Variants in MAPK8 observed in about 807,000 individuals in gnomAD.
MAPK8 encodes mitogen-activated protein kinase 8, also known as JUN N-terminal kinase.
MAPK8 carries 13 observed loss-of-function variants against 52.9 expected under a neutral mutation model. The ratio of observed to expected loss-of-function variants is 0.25; its 90% CI spans 0.16 to 0.39. MAPK8 has a LOEUF of 0.39. Ranked by LOEUF, MAPK8 falls within the 10% of genes least tolerant of loss-of-function variation. MAPK8 has a pLI of 1.00. For synonymous variants in MAPK8, 191 were observed against 169.8 expected (o/e 1.12, Z -0.97); for missense variants, 300 against 519.2 (o/e 0.58, Z 4.10).
intron 1 of MAPK8, among the ~76,000 whole-genome samples, chr10:48,344,001 C>T (rs1165374073): frequency 2.0e-5 from 3 of 152,146 alleles, no homozygotes. Flanking sequence ...TGTTGGTTTG[C>T]AGTAGTTTGA....
intron 1 of MAPK8, among the ~76,000 whole-genome samples, chr10:48,371,489 T>C (rs1848522211): frequency 1.3e-5 from 2 of 152,112 alleles, no homozygotes; most frequent in South Asian, 4.1e-4. Flanking sequence ...CACTTTACTG[T>C]GTTATAGTTT....
intron 1 of MAPK8, among the ~76,000 whole-genome samples, chr10:48,345,747 C>T (rs1047977709): frequency 1.3e-5 from 2 of 152,122 alleles, no homozygotes; most frequent in African/African-American, 4.8e-5. Flanking sequence ...AGTAAAAGTC[C>T]TGAGTTTTCT....
chr10:48,373,813 C>G (rs931762600), intron 1 of MAPK8, among the ~76,000 whole-genome samples: 3 of 151,918 alleles, frequency 2.0e-5, no homozygotes, highest in African/African-American at 2.4e-5. Flanking sequence ...ACTTTAACAC[C>G]CCACTGTCAA....
At chr10:48,425,836 T>TGGTAAATG in intron 7 of MAPK8, 52 bp from the exon 8 acceptor site, 1 of 1,005,302 alleles carries the variant, frequency 9.9e-7, no homozygotes, top group Non-Finnish European at 1.5e-6. Flanking sequence ...TGAATATGAC[T>TGGTAAATG]AATGTATTGA....
At position 48,404,408 on chromosome 10, in the gene MAPK8, G is replaced by T. The variant is rs575466199; in HGVS notation, c.123-444G>T. On this transcript the variant is annotated intron_variant, in intron 2 of 11. Coordinates refer to ENST00000374189, the MANE Select transcript of MAPK8 (RefSeq NM_001323329.2). ...CCTGACCTCATGATCCACCCACCTT[G>T]ACCTCCCAAAGTGCTGGGATTACAG... Among the ~76,000 whole-genome samples the T allele has an allele frequency of 2.1e-3, 320 of 151,942 alleles. 1 individual carries two copies. Among genetic ancestry groups the T allele is most frequent in the Non-Finnish European group, 2.1e-4 (14 of 67,950 alleles).
intron 1 of MAPK8, among the ~76,000 whole-genome samples, chr10:48,380,947 A>C (rs1313329084): frequency 1.3e-5 from 2 of 152,074 alleles, no homozygotes. Context: ...AAAGAGTAAG[A>C]CTCCATCAAA....
At chr10:48,346,796 A>G (rs1436634089) in intron 1 of MAPK8, among the ~76,000 whole-genome samples, 4 of 152,196 alleles carry the variant, frequency 2.6e-5, no homozygotes, top group African/African-American at 9.7e-5. Flanking sequence ...ATATGCAGAA[A>G]TAATGGCGTA....
intron 1 of MAPK8, among the ~76,000 whole-genome samples, chr10:48,397,510 C>T (rs143944482): frequency 3.3e-5 from 5 of 152,062 alleles, no homozygotes; most frequent in East Asian, 3.9e-4. Flanking sequence ...TAGTAGTTGC[C>T]GCAGGTAGAC....
intron 11 of MAPK8, among the ~76,000 whole-genome samples, chr10:48,432,482 A>G (rs1482769873): frequency 6.6e-6 from 1 of 152,094 alleles, no homozygotes; most frequent in Non-Finnish European, 1.5e-5. Context: ...TATTTTGGAA[A>G]TGGCCTTTTC....
chr10:48,343,950 G>A (rs533803223), intron 1 of MAPK8, among the ~76,000 whole-genome samples: 1 of 152,236 alleles, frequency 6.6e-6, no homozygotes, highest in East Asian at 1.9e-4. Flanking sequence ...GGTTCATCTG[G>A]GGTTGGTATT....
chr10:48,308,133 A>T (rs1841589349), intron 1 of MAPK8: 1 of 152,192 alleles, frequency 6.6e-6, no homozygotes, highest in South Asian at 2.1e-4. Flanking sequence ...GTTACCTCAG[A>T]TTCCCCTGCT....
chr10:48,414,801 T>C (rs2042973551), intron 5 of MAPK8, among the ~76,000 whole-genome samples: 1 of 151,984 alleles, frequency 6.6e-6, no homozygotes, highest in Admixed American at 6.6e-5. Context: ...AGGCTGGTCT[T>C]GTATTCCTGG....
At chr10:48,407,252 T>C in intron 3 of MAPK8, among the ~76,000 whole-genome samples, 1 of 152,358 alleles carries the variant, frequency 6.6e-6, no homozygotes, top group East Asian at 1.9e-4. Context: ...AAATTACGTG[T>C]CTAACTATCA....
rs2042667596 is a variant in MAPK8, at chr10:48,410,034, A to G, written c.316A>G (p.Ile106Val). ...TCTCTTTTTTCACTCATAAAGTTAC[A>G]TAGTCATGGAGCTCATGGATGCAAA... ...KSLEEFQDVYIVMELMDANLC... is the reference protein window; with the variant it reads ...KSLEEFQDVYVVMELMDANLC... The change falls in exon 5 of 12, where the codon ATA (isoleucine) becomes GTA (valine). Residue 106 changes from isoleucine to valine, a missense_variant. By Grantham distance (29) the Ile-to-Val change is conservative. This residue lies in a region of MAPK8 where 147 missense variants were observed against 328.1 expected (regional missense o/e 0.45). Coordinates refer to ENST00000374189, the MANE Select transcript of MAPK8 (RefSeq NM_001323329.2). The G allele has an allele frequency of 6.2e-7, 1 of 1,604,008 alleles. No individual in the cohort carries two copies. Among genetic ancestry groups the G allele is most frequent in the Admixed American group, 1.7e-5 (1 of 58,152 alleles).
chr10:48,433,412 A>G (rs907961403), intron 11 of MAPK8, among the ~76,000 whole-genome samples: 1 of 152,260 alleles, frequency 6.6e-6, no homozygotes, highest in Non-Finnish European at 1.5e-5. Context: ...GTACACAGAT[A>G]TACCATACTG....
At chr10:48,357,635 C>A (rs1374866041) in intron 1 of MAPK8, among the ~76,000 whole-genome samples, 4 of 152,104 alleles carry the variant, frequency 2.6e-5, no homozygotes, top group Non-Finnish European at 5.9e-5. Context: ...TGGGCTCAAG[C>A]AATGCATCCA....
intron 1 of MAPK8, among the ~76,000 whole-genome samples, chr10:48,342,118 T>G (rs942707686): frequency 6.6e-6 from 1 of 152,230 alleles, no homozygotes; most frequent in African/African-American, 2.4e-5. Flanking sequence ...TTCATTCATT[T>G]ATTTATTGAG....
At chr10:48,405,892 GA>G (rs10708093) in intron 3 of MAPK8, among the ~76,000 whole-genome samples, 148,684 of 152,092 alleles carry the variant, frequency 0.98, 72,788 homozygotes, top group East Asian at 1. Context: ...ATTATCAAGG[GA>G]AAAAAAAATC....
intron 1 of MAPK8, among the ~76,000 whole-genome samples, chr10:48,388,067 G>A (rs2041416691): frequency 2.0e-5 from 3 of 152,296 alleles, no homozygotes; most frequent in Admixed American, 6.5e-5. Flanking sequence ...CAAAAGGAAA[G>A]TATACAGGTG....
Sources: gnomAD v4.1 joint callset for allele counts (sites outside exome capture counted in the v4.1 genomes callset) on GRCh38, gnomAD v4.1.1 for gene constraint, gnomAD v4.1.1 regional missense constraint, MANE v1.5 for transcripts, NCBI Gene and HGNC (gene_info 2026-07-23, HGNC 2026-07-21) for gene names.